Variants in BLTP2 observed in about 807,000 individuals in gnomAD.
BLTP2 encodes bridge-like lipid transfer protein family member 2.
At chr17:28,639,346 T>C in the BLTP2 span, 49 of 1,614,048 alleles carry the variant, frequency 3.0e-5, no homozygotes, top group Non-Finnish European at 3.7e-5. Flanking sequence ...ACAGGTGAAC[T>C]AGACCCTTGG....
the BLTP2 span, among the ~76,000 whole-genome samples, chr17:28,630,467 T>G: frequency 7.2e-6 from 1 of 139,436 alleles, no homozygotes; most frequent in Non-Finnish European, 1.6e-5. Context: ...CCCCCACTGT[T>G]TTTTTTTTTT....
the BLTP2 span, among the ~76,000 whole-genome samples, chr17:28,625,772 T>A: frequency 6.6e-6 from 1 of 152,180 alleles, no homozygotes; most frequent in Non-Finnish European, 1.5e-5. Flanking sequence ...AATGCTTTTT[T>A]TTCTTCCCTT....
At chr17:28,633,683 A>T in the BLTP2 span, 1 of 1,614,120 alleles carries the variant, frequency 6.2e-7, no homozygotes, top group Non-Finnish European at 8.5e-7. Context: ...AGGTCCACAC[A>T]CTGGCCAATT....
chr17:28,634,829 T>A, the BLTP2 span: 1 of 1,613,802 alleles, frequency 6.2e-7, no homozygotes, highest in Non-Finnish European at 8.5e-7. Context: ...CCATGCTGCT[T>A]CCGAAGGGCG....
the BLTP2 span, chr17:28,639,101 T>A: frequency 1.7e-6 from 1 of 589,682 alleles, no homozygotes; most frequent in Non-Finnish European, 3.0e-6. Context: ...AACACTACAC[T>A]GAGCACCGAG....
chr17:28,628,691 T>TCGGCCTCCCAAAGTGC, the BLTP2 span: 1 of 745,262 alleles, frequency 1.3e-6, no homozygotes, highest in Non-Finnish European at 2.1e-6. Context: ...TCCCAGCACT[T>TCGGCCTCCCAAAGTGC]TGGGAGGCCG....
the BLTP2 span, among the ~76,000 whole-genome samples, chr17:28,617,941 T>C: frequency 6.7e-6 from 1 of 149,840 alleles, no homozygotes; most frequent in Non-Finnish European, 1.5e-5. Context: ...CTTTTTTTTT[T>C]TTTTTTTTTT....
the BLTP2 span, among the ~76,000 whole-genome samples, chr17:28,641,710 A>G: frequency 6.6e-6 from 1 of 152,004 alleles, no homozygotes; most frequent in Non-Finnish European, 1.5e-5. Flanking sequence ...TGCCCACTCA[A>G]TGCTGGTTCT....
the BLTP2 span, chr17:28,639,546 A>T: frequency 6.2e-7 from 1 of 1,613,474 alleles, no homozygotes; most frequent in Middle Eastern, 1.6e-4. Context: ...TAGAGAAAGG[A>T]ACAATTCTTG....
the BLTP2 span, chr17:28,620,167 G>T: frequency 1.4e-6 from 1 of 723,562 alleles, no homozygotes; most frequent in Non-Finnish European, 2.2e-6. Flanking sequence ...GTAGGTCAAT[G>T]CAGAAAATGT....
At chr17:28,625,996 C>G in the BLTP2 span, among the ~76,000 whole-genome samples, 1 of 152,186 alleles carries the variant, frequency 6.6e-6, no homozygotes, top group South Asian at 2.1e-4. Flanking sequence ...AGCTCCTGAC[C>G]TCGTGATCCA....
the BLTP2 span, chr17:28,621,327 T>A: frequency 2.6e-5 from 37 of 1,442,616 alleles, no homozygotes; most frequent in Non-Finnish European, 2.0e-5. Flanking sequence ...TAAGAATAGG[T>A]AGGGAAATGA....
At chr17:28,640,142 C>A in the BLTP2 span, 4 of 1,178,384 alleles carry the variant, frequency 3.4e-6, no homozygotes, top group Non-Finnish European at 4.7e-6. Context: ...CTCTTGTAAT[C>A]CCAGCCCTTT....
chr17:28,633,150 G>A, the BLTP2 span: 31 of 1,579,606 alleles, frequency 2.0e-5, no homozygotes, highest in Admixed American at 1.8e-5. Flanking sequence ...GAAGGAAGCA[G>A]CAGTCGTCAT....
the BLTP2 span, chr17:28,644,130 T>G: frequency 6.2e-7 from 1 of 1,614,128 alleles, no homozygotes; most frequent in South Asian, 1.1e-5. Context: ...AGCCAATCTT[T>G]AGCTCCGCCT....
the BLTP2 span, chr17:28,619,717 A>G: frequency 1.2e-6 from 2 of 1,614,014 alleles, no homozygotes; most frequent in South Asian, 2.2e-5. Context: ...GTTTAGCTGC[A>G]ACTGAAGCTT....
chr17:28,618,533 ATTATT>A, the BLTP2 span, among the ~76,000 whole-genome samples: 221 of 152,274 alleles, frequency 1.5e-3, 3 homozygotes, highest in South Asian at 1.5e-3. Flanking sequence ...TTTTTTAAAA[ATTATT>A]TTATTTCTTT....
At chr17:28,619,285 A>G in the BLTP2 span, among the ~76,000 whole-genome samples, 2 of 152,150 alleles carry the variant, frequency 1.3e-5, no homozygotes, top group South Asian at 4.1e-4. Flanking sequence ...GTTCATTAAA[A>G]AAAAAAAGAT....
the BLTP2 span, chr17:28,639,474 A>C: frequency 6.2e-7 from 1 of 1,613,068 alleles, no homozygotes; most frequent in African/African-American, 1.3e-5. Flanking sequence ...AAATAAGAAG[A>C]CCAGAACTGT....
Sources: gnomAD v4.1 joint callset for allele counts (sites outside exome capture counted in the v4.1 genomes callset) on GRCh38, gnomAD v4.1.1 for gene constraint, MANE v1.5 for transcripts, NCBI Gene and HGNC (gene_info 2026-07-23, HGNC 2026-07-21) for gene names.